The following FAM184B variants were observed in gnomAD, a reference collection of about 807,000 sequenced individuals.
FAM184B encodes the protein family with sequence similarity 184 member B, also known as protein FAM184B.
In FAM184B, 111 loss-of-function variants were observed where a neutral mutation model predicts 135.9. That is an observed-to-expected ratio of 0.82 (90% CI 0.70 to 0.96). The LOEUF is 0.96. FAM184B is among the 40% of genes least tolerant of loss of function. The pLI is 0.00. For missense variants in FAM184B, 1,375 were observed against 1,323.9 expected, an observed-to-expected ratio of 1.04 and a Z score of -0.60; for synonymous variants, 552 against 524.8, an observed-to-expected ratio of 1.05 and a Z score of -0.71.
At chr4:17,672,281 A>C (rs1716187228) in intron 7 of FAM184B, among the ~76,000 whole-genome samples, 1 of 152,164 alleles carries the variant, frequency 6.6e-6, no homozygotes, top group Non-Finnish European at 1.5e-5. Flanking sequence ...AACTAAGAAT[A>C]CTATACCTGG....
rs777100860 is a variant in FAM184B, at chr4:17,642,016, G to T, written c.2519+40C>A. On this transcript the variant is annotated intron_variant, in intron 13 of 17. Coordinates refer to ENST00000265018, the MANE Select transcript of FAM184B (RefSeq NM_015688.2). ...GGGAGGGGGGGTGGCGGGGTAGGGG[G>T]TGAGGGTGGCGCGGTGGCGGGGCGC... is the stretch of plus-strand genomic sequence containing the variant. 4.0e-6 allele frequency: 6 copies of T among 1,499,166 alleles called. No homozygotes were observed. The Admixed American group carries it at 1.3e-4, about 31-fold the overall frequency. The allele number at this position is 1,499,166 out of a possible 1,614,324, so 92.9% of individuals were successfully genotyped here.
chr4:17,725,079 G>A (rs114271131), intron 1 of FAM184B, among the ~76,000 whole-genome samples: 8 of 152,274 alleles, frequency 5.3e-5, no homozygotes, highest in African/African-American at 1.9e-4. Context: ...GCTTTGTGAG[G>A]CAGGGTCATG....
At chr4:17,693,223 A>T in intron 6 of FAM184B, 79 bp downstream of exon 6, 1 of 1,100,770 alleles carries the variant, frequency 9.1e-7, no homozygotes, top group Non-Finnish European at 1.3e-6. Flanking sequence ...GTCTTCCAAA[A>T]TTCTTGGCTT....
intron 5 of FAM184B, among the ~76,000 whole-genome samples, chr4:17,695,570 G>A (rs1716836529): frequency 1.3e-5 from 2 of 152,184 alleles, no homozygotes; most frequent in African/African-American, 4.8e-5. Context: ...ACTGAGGTAA[G>A]AGTGATGGTG....
At chr4:17,638,852 C>T (rs1292403474) in intron 14 of FAM184B, among the ~76,000 whole-genome samples, 4 of 152,104 alleles carry the variant, frequency 2.6e-5, no homozygotes, top group Non-Finnish European at 5.9e-5. Flanking sequence ...CACACCCCGC[C>T]TCCTGCCCTG....
chr4:17,659,271 AT>A (rs927465986), intron 9 of FAM184B, among the ~76,000 whole-genome samples: 3 of 150,918 alleles, frequency 2.0e-5, no homozygotes, highest in East Asian at 2.0e-4. Context: ...ATGCCCGGTA[AT>A]TTTTTTTTAT....
intron 1 of FAM184B, among the ~76,000 whole-genome samples, chr4:17,722,802 C>T (rs959834528): frequency 6.6e-6 from 1 of 152,134 alleles, no homozygotes; most frequent in African/African-American, 2.4e-5. Flanking sequence ...TTGGAAAGCA[C>T]CTTTGGTTGG....
intron 1 of FAM184B, among the ~76,000 whole-genome samples, chr4:17,747,044 CAA>C (rs11342758): frequency 2.1e-3 from 205 of 98,462 alleles, no homozygotes; most frequent in African/African-American, 5.4e-3. Flanking sequence ...GACTCCATCT[CAA>C]AAAAAAAAAA....
chr4:17,651,944 G>A (rs1015768131), intron 11 of FAM184B, among the ~76,000 whole-genome samples: 7 of 152,064 alleles, frequency 4.6e-5, no homozygotes, highest in African/African-American at 1.7e-4. Context: ...GCAGAGCCTG[G>A]AGGCCTAAGA....
chr4:17,715,834 T>A (rs964181608), intron 1 of FAM184B, among the ~76,000 whole-genome samples: 3 of 152,222 alleles, frequency 2.0e-5, no homozygotes, highest in African/African-American at 7.2e-5. Context: ...TGCCATTGTG[T>A]AAGTTATAAT....
chr4:17,736,981 C>T (rs531400083), intron 1 of FAM184B, among the ~76,000 whole-genome samples: 2 of 152,084 alleles, frequency 1.3e-5, no homozygotes, highest in African/African-American at 2.4e-5. Flanking sequence ...GCCATCTCTA[C>T]TAAAAATACA....
At position 17,634,991 on chromosome 4, in the gene FAM184B, C is replaced by T. The variant is rs1403518243; in HGVS notation, c.2889+18G>A. Reference sequence around the variant, plus strand: ...AATGGAATTGTATAATGCATTAAAACCATTAGAACCAATTTACCTTCATGG... The same window carrying T: ...AATGGAATTGTATAATGCATTAAAATCATTAGAACCAATTTACCTTCATGG... On this transcript the variant is annotated intron_variant, in intron 16 of 17. Coordinates refer to ENST00000265018, the MANE Select transcript of FAM184B (RefSeq NM_015688.2). 2.0e-6 allele frequency: 3 copies of T among 1,526,624 alleles called. No homozygotes were observed. The East Asian group carries it at 7.4e-5, about 37-fold the overall frequency. The allele number at this position is 1,526,624 out of a possible 1,614,324, so 94.6% of individuals were successfully genotyped here.
At chr4:17,765,490 C>T (rs926493316) in intron 1 of FAM184B, among the ~76,000 whole-genome samples, 2 of 152,064 alleles carry the variant, frequency 1.3e-5, no homozygotes, top group African/African-American at 2.4e-5. Flanking sequence ...TTATCTCAAC[C>T]TAACTTTCAC....
In FAM184B at chr4:17,742,155, TATATATATATA is replaced by T. The variant is rs1177003487; in HGVS notation, c.142-32522_142-32512del. On this transcript the variant is annotated intron_variant, in intron 1 of 17. Transcript: ENST00000265018. ...ACATATGAATATATATATATATATATATATATATATATATTTTTTTTTTTTAAAGAGGCTGG... is the reference window on the plus strand; with the variant it reads ...ACATATGAATATATATATATATATATTATTTTTTTTTTTTAAAGAGGCTGG... Among the ~76,000 whole-genome samples the T allele has an allele frequency of 1.4e-3, 137 of 94,910 alleles. 1 individual carries two copies. The highest frequency in any genetic ancestry group is 8.0e-3 in the South Asian group (26 of 3,246). The allele number at this position is 94,910 out of a possible 152,430, so 62.3% of individuals were successfully genotyped here. A position where few individuals can be genotyped will look rare whatever the true frequency, so the allele number is the denominator to read the frequency against.
rs916494153 is a variant in FAM184B at position 17,630,831 on chromosome 4, A to G, written c.*1701T>C. The G allele has an allele frequency of 3.3e-5, 5 of 151,614 alleles. No individual in the cohort carries two copies. In the South Asian group the frequency reaches 8.3e-4, roughly 25 times the overall value. 9.4% of individuals were successfully genotyped at this position (151,614 alleles called of 1,614,324 possible). On this transcript the variant is annotated 3_prime_UTR_variant, in exon 18 of 18. Coordinates refer to ENST00000265018, the MANE Select transcript of FAM184B (RefSeq NM_015688.2). ...GAGGTTAATGTGAACTGAACTTTCT[A>G]TTTCTAAGCTGTCTTCATCTAATTT...
At chr4:17,748,466 G>A (rs1199022398) in intron 1 of FAM184B, among the ~76,000 whole-genome samples, 1 of 147,210 alleles carries the variant, frequency 6.8e-6, no homozygotes, top group African/African-American at 2.5e-5. Flanking sequence ...CCTTGGATTT[G>A]ACACATGACT....
chr4:17,645,240 T>C (rs1715434480), intron 12 of FAM184B, among the ~76,000 whole-genome samples: 1 of 152,136 alleles, frequency 6.6e-6, no homozygotes, highest in African/African-American at 2.4e-5. Flanking sequence ...AAAGTTCATA[T>C]GGATCCAAAA....
intron 5 of FAM184B, among the ~76,000 whole-genome samples, chr4:17,694,305 C>T (rs901234987): frequency 3.9e-5 from 6 of 152,118 alleles, no homozygotes; most frequent in South Asian, 2.1e-4. Context: ...GGGTGGATCA[C>T]GAGGTCAGCA....
At chr4:17,680,074 T>A (rs958441808) in intron 7 of FAM184B, among the ~76,000 whole-genome samples, 3 of 152,170 alleles carry the variant, frequency 2.0e-5, no homozygotes, top group Admixed American at 1.3e-4. Context: ...CTGGGTACAG[T>A]GTACACTGCA....
Sources: gnomAD v4.1 joint callset for allele counts (sites outside exome capture counted in the v4.1 genomes callset) on GRCh38, gnomAD v4.1.1 for gene constraint, MANE v1.5 for transcripts, NCBI Gene and HGNC (gene_info 2026-07-23, HGNC 2026-07-21) for gene names.